Variants in PHF21A observed in about 807,000 individuals in gnomAD.
PHF21A encodes the protein PHD finger protein 21A.
In PHF21A, 11 loss-of-function variants were observed where a neutral mutation model predicts 82.5. The ratio of observed to expected loss-of-function variants is 0.13; its 90% confidence interval spans 0.08 to 0.22. The LOEUF (loss-of-function observed/expected upper bound fraction) is 0.22, where lower values mean the gene tolerates loss of function less well. PHF21A is among the 10% of genes least tolerant of loss of function. PHF21A has a pLI of 1.00. For synonymous variants in PHF21A, 297 were observed against 302.8 expected, an observed-to-expected ratio of 0.98 and a Z score of 0.20; for missense variants, 579 against 837.8, an observed-to-expected ratio of 0.69 and a Z score of 3.81.
At position 46,038,176 on chromosome 11, in the gene PHF21A, G is replaced by GACC. The variant is rs1339984101; in HGVS notation, c.153+38577_153+38578insGGT. On this transcript the variant is annotated intron_variant, in intron 6 of 18. Transcript: ENST00000676320. ...TGCTTTTTTTTTGTCACTCAGGCTGGAGTGCAGTGGCACAATCTCAGCTCA... is the reference window on the plus strand; with the variant it reads ...TGCTTTTTTTTTGTCACTCAGGCTGGACCAGTGCAGTGGCACAATCTCAGCTCA... Among the ~76,000 whole-genome samples, 8 of 150,654 alleles carry GACC rather than the reference G, an allele frequency of 5.3e-5. No individual in the cohort carries two copies. In the East Asian group the frequency reaches 1.4e-3, roughly 26 times the overall value.
At chr11:45,952,084 C>A (rs993967803) in intron 11 of PHF21A, among the ~76,000 whole-genome samples, 1 of 152,180 alleles carries the variant, frequency 6.6e-6, no homozygotes, top group Non-Finnish European at 1.5e-5. Flanking sequence ...GGATTACAGG[C>A]GTGAGCCACC....
intron 6 of PHF21A, among the ~76,000 whole-genome samples, chr11:46,020,966 AC>A (rs1370729429): frequency 6.6e-6 from 1 of 152,162 alleles, no homozygotes; most frequent in Non-Finnish European, 1.5e-5. Flanking sequence ...TTTTCCACTT[AC>A]GATAGTTTCA....
intron 6 of PHF21A, among the ~76,000 whole-genome samples, chr11:46,008,145 C>G (rs2095337587): frequency 6.6e-6 from 1 of 152,188 alleles, no homozygotes; most frequent in Non-Finnish European, 1.5e-5. Flanking sequence ...AACATTTCAG[C>G]ACCTTCCCCT....
chr11:46,091,735 A>G (rs765272011), intron 2 of PHF21A, among the ~76,000 whole-genome samples: 2 of 152,146 alleles, frequency 1.3e-5, no homozygotes, highest in African/African-American at 2.4e-5. Flanking sequence ...TTTTTAAGAG[A>G]TGAGGGTCTC....
intron 12 of PHF21A, 129 bp downstream of exon 12, chr11:45,950,077 G>T (rs914946908): frequency 1.2e-5 from 8 of 679,356 alleles, no homozygotes; most frequent in Non-Finnish European, 1.9e-5. Context: ...AGGAAATAAA[G>T]TCCACATTGG....
At chr11:46,089,580 G>A (rs567206877) in intron 3 of PHF21A, among the ~76,000 whole-genome samples, 61 of 151,858 alleles carry the variant, frequency 4.0e-4, no homozygotes, top group Admixed American at 8.5e-4. Context: ...CCTGATTTTC[G>A]AGGCGAACCC....
chr11:45,990,712 G>T (rs187517682), intron 6 of PHF21A, among the ~76,000 whole-genome samples: 19 of 147,644 alleles, frequency 1.3e-4, no homozygotes, highest in Admixed American at 4.1e-4. Context: ...CCCTTGATTT[G>T]TTTTTTTTTT....
intron 6 of PHF21A, among the ~76,000 whole-genome samples, chr11:45,997,162 C>T (rs1363482033): frequency 2.0e-5 from 3 of 152,168 alleles, no homozygotes; most frequent in Admixed American, 1.3e-4. Flanking sequence ...ATGATTAGAT[C>T]TAGGAATTCT....
intron 9 of PHF21A, among the ~76,000 whole-genome samples, chr11:45,966,303 T>TCTTCCAATCTTCTCTTCCTC (rs1198283435): frequency 6.6e-6 from 1 of 152,214 alleles, no homozygotes; most frequent in Non-Finnish European, 1.5e-5. Context: ...ATCAATTTCT[T>TCTTCCAATCTTCTCTTCCTC]CTTCCAATCT....
At chr11:45,946,238 G>C (rs1402642969) in intron 14 of PHF21A, 1 of 892,126 alleles carries the variant, frequency 1.1e-6, no homozygotes, top group Non-Finnish European at 1.8e-6. Flanking sequence ...GAGCTCTGGA[G>C]AATGACAGAA....
chr11:46,062,449 C>G (rs2096546858), intron 6 of PHF21A, among the ~76,000 whole-genome samples: 1 of 151,240 alleles, frequency 6.6e-6, no homozygotes, highest in Admixed American at 6.6e-5. Context: ...GTTTTCCAAC[C>G]TTTTTTTTTA....
In PHF21A at chr11:45,948,931, C is replaced by G. The variant is rs2091711237; in HGVS notation, c.1243G>C (p.Val415Leu). Residue 415 changes from valine (V) to leucine (L), a missense_variant, in exon 14 of 19, where the codon GTG (valine) becomes CTG (leucine). Transcript: ENST00000676320. ...TGCATTGTGCTGTTTAGGTATGTCA[C>G]TGCACTCTTCTTACGCTTTGAGGGT... ...VFEPERKKSA[V>L]TYLNSTMHPG... is the part of the protein sequence containing the mutation. The G allele has an allele frequency of 6.2e-7, 1 of 1,614,028 alleles. No homozygotes were observed. Among genetic ancestry groups the G allele is most frequent in the Non-Finnish European group, 8.5e-7 (1 of 1,179,862 alleles).
rs375091067 is a variant in PHF21A at position 45,992,376 on chromosome 11, C to CAA, written c.154-12412_154-12411dup. ...TGAAACCCCGTCTATACTAAAAATA[C>CAA]AAAAAAAAAAAAAATTAGCCAGGCA... is the stretch of plus-strand genomic sequence containing the variant. On this transcript the variant is annotated intron_variant, in intron 6 of 18. Transcript: ENST00000676320. Among the ~76,000 whole-genome samples, 364 of 139,638 alleles carry CAA rather than the reference C, an allele frequency of 2.6e-3. 1 individual carries two copies. Among genetic ancestry groups the CAA allele is most frequent in the African/African-American group, 8.2e-3 (312 of 37,966 alleles). The allele number at this position is 139,638 out of a possible 152,430, so 91.6% of individuals were successfully genotyped here.
At chr11:46,024,253 C>T (rs938240344) in intron 6 of PHF21A, among the ~76,000 whole-genome samples, 1 of 152,134 alleles carries the variant, frequency 6.6e-6, no homozygotes. Flanking sequence ...TTTCCTATTT[C>T]TCCCACTTAC....
rs199773972 is a variant in PHF21A at position 46,078,478 on chromosome 11, A to C, written c.87+656T>G. 5.3e-5 allele frequency among the ~76,000 whole-genome samples: 8 copies of C among 152,226 alleles called. No individual in the cohort carries two copies. In the East Asian group the frequency reaches 1.5e-3, roughly 29 times the overall value. ...ATGCCCAATAATAAATATAATTATC[A>C]GAAGACAAGGTAAGTTTTTAGGAAA... On this transcript the variant is annotated intron_variant, in intron 5 of 18. Transcript: ENST00000676320.
At chr11:46,091,173 T>C (rs917395436) in intron 2 of PHF21A, among the ~76,000 whole-genome samples, 4 of 152,116 alleles carry the variant, frequency 2.6e-5, no homozygotes, top group African/African-American at 9.7e-5. Flanking sequence ...AAGGAAACCT[T>C]GGCCAAATAT....
chr11:46,103,068 A>T (rs1593265333), intron 1 of PHF21A, among the ~76,000 whole-genome samples: 1 of 152,176 alleles, frequency 6.6e-6, no homozygotes, highest in South Asian at 2.1e-4. Flanking sequence ...CACCGGCTGG[A>T]CAGGGTCCTG....
intron 6 of PHF21A, among the ~76,000 whole-genome samples, chr11:46,034,368 T>G (rs1363246575): frequency 6.6e-6 from 1 of 152,212 alleles, no homozygotes; most frequent in Non-Finnish European, 1.5e-5. Context: ...TTTGCAATTT[T>G]GCTTTTACTG....
At chr11:45,974,446 A>C (rs868655067) in intron 7 of PHF21A, among the ~76,000 whole-genome samples, 131 of 149,584 alleles carry the variant, frequency 8.8e-4, no homozygotes, top group Middle Eastern at 3.5e-3. Flanking sequence ...TATTATTATT[A>C]TTATTATTGC....
Sources: gnomAD v4.1 joint callset for allele counts (sites outside exome capture counted in the v4.1 genomes callset) on GRCh38, gnomAD v4.1.1 for gene constraint, MANE v1.5 for transcripts, NCBI Gene and HGNC (gene_info 2026-07-23, HGNC 2026-07-21) for gene names.